The following VIT variants were observed in gnomAD, a reference collection of about 807,000 sequenced individuals.
VIT encodes vitrin.
VIT carries 99 observed loss-of-function variants against 78.0 expected under a neutral mutation model. The ratio of observed to expected loss-of-function variants is 1.27; its 90% CI spans 1.08 to 1.50. The LOEUF (loss-of-function observed/expected upper bound fraction) is 1.50, where lower values mean the gene tolerates loss of function less well. Ranked by LOEUF, VIT falls within the 40% of genes most tolerant of loss-of-function variation. VIT has a pLI of 0.00. For synonymous variants in VIT, 374 were observed against 334.3 expected (o/e 1.12, Z -1.29); for missense variants, 1,126 against 875.3 (o/e 1.29, Z -3.61).
chr2:36,813,365 C>G (rs551907570), intron 15 of VIT, among the ~76,000 whole-genome samples: 2 of 152,046 alleles, frequency 1.3e-5, no homozygotes, highest in Non-Finnish European at 2.9e-5. Flanking sequence ...ACAAAAATCT[C>G]TTGAACCTGG....
intron 2 of VIT, among the ~76,000 whole-genome samples, chr2:36,727,000 C>T (rs1405511207): frequency 6.6e-6 from 1 of 151,994 alleles, no homozygotes; most frequent in Non-Finnish European, 1.5e-5. Context: ...CAGAATTCTC[C>T]CTTCTTCACC....
intron 2 of VIT, among the ~76,000 whole-genome samples, chr2:36,718,106 A>C (rs372010838): frequency 1.3e-5 from 2 of 152,120 alleles, no homozygotes; most frequent in Admixed American, 6.5e-5. Context: ...GGTACACCCT[A>C]CTCCAGTATG....
intron 2 of VIT, among the ~76,000 whole-genome samples, chr2:36,716,869 C>CTTTTTTTTTTTTTTTTTTTTTTTTTT (rs557873230): frequency 1.3e-5 from 1 of 78,698 alleles, no homozygotes; most frequent in Non-Finnish European, 2.3e-5. Flanking sequence ...AGAGATGATT[C>CTTTTTTTTTTTTTTTTTTTTTTTTTT]TTTTTTTTTT....
chr2:36,793,048 A>C (rs1362500725), intron 12 of VIT, among the ~76,000 whole-genome samples: 3 of 152,128 alleles, frequency 2.0e-5, no homozygotes, highest in East Asian at 3.9e-4. Flanking sequence ...CTACATTTTA[A>C]CAAGATCCCC....
chr2:36,774,082 T>C (rs1163875006), intron 8 of VIT, among the ~76,000 whole-genome samples: 1 of 152,158 alleles, frequency 6.6e-6, no homozygotes, highest in Admixed American at 6.5e-5. Context: ...GTAGAGGTTG[T>C]GATAGGAATG....
chr2:36,731,485 G>T lies in VIT; in HGVS notation c.118+1994G>T, dbSNP rs1667206132. Reference sequence around the variant, plus strand: ...AAACGGGGTTTCACCATGTTGGCCAGGATGGTCTCGATCTCCTGACCTCAT... The same window carrying T: ...AAACGGGGTTTCACCATGTTGGCCATGATGGTCTCGATCTCCTGACCTCAT... On this transcript the variant is annotated intron_variant, in intron 3 of 15. Transcript: ENST00000379242. 2.0e-5 allele frequency among the ~76,000 whole-genome samples: 3 copies of T among 152,052 alleles called. No homozygotes were observed. The South Asian group carries it at 6.2e-4, about 32-fold the overall frequency.
intron 6 of VIT, among the ~76,000 whole-genome samples, chr2:36,763,263 A>T (rs2148574305): frequency 6.6e-6 from 1 of 152,274 alleles, no homozygotes; most frequent in East Asian, 1.9e-4. Context: ...ACGATGAGCC[A>T]GGTGTGGGGA....
chr2:36,782,928 A>G (rs1280594307), intron 10 of VIT, among the ~76,000 whole-genome samples: 1 of 152,230 alleles, frequency 6.6e-6, no homozygotes, highest in African/African-American at 2.4e-5. Flanking sequence ...GTCAATCACC[A>G]AATGTTGACT....
intron 5 of VIT, among the ~76,000 whole-genome samples, chr2:36,756,685 C>G (rs906252545): frequency 2.0e-5 from 3 of 152,150 alleles, no homozygotes; most frequent in Non-Finnish European, 4.4e-5. Flanking sequence ...GGGTATCAAC[C>G]GCAGTACTGT....
intron 5 of VIT, 75 bp downstream of exon 5, chr2:36,755,129 T>G (rs1668688123): frequency 6.9e-7 from 1 of 1,459,342 alleles, no homozygotes; most frequent in South Asian, 1.5e-5. Context: ...GTGCTGTTGG[T>G]TTTTGTTTAT....
In VIT at chr2:36,748,398, A is replaced by G. The variant is rs943594277; in HGVS notation, c.275+5142A>G. Among the ~76,000 whole-genome samples, 11 of 152,328 alleles carry G rather than the reference A, an allele frequency of 7.2e-5. No homozygotes were observed. In the South Asian group the frequency reaches 1.2e-3, roughly 17 times the overall value. Reference sequence around the variant, plus strand: ...AGCCTCCTTTGGTTGGTCACTTTACATAAGTCTGTATTTCTCAGAGGTTTT... The same window carrying G: ...AGCCTCCTTTGGTTGGTCACTTTACGTAAGTCTGTATTTCTCAGAGGTTTT... On this transcript the variant is annotated intron_variant, in intron 4 of 15. Coordinates refer to ENST00000379242, the MANE Select transcript of VIT (RefSeq NM_053276.4).
intron 14 of VIT, among the ~76,000 whole-genome samples, chr2:36,807,110 A>T (rs1287576166): frequency 6.6e-6 from 1 of 151,770 alleles, no homozygotes; most frequent in Non-Finnish European, 1.5e-5. Flanking sequence ...CCCTCGCCTG[A>T]CGCCCCCTCC....
At chr2:36,774,681 C>G (rs970824659) in intron 8 of VIT, 70 of 985,308 alleles carry the variant, frequency 7.1e-5, no homozygotes, top group Non-Finnish European at 8.0e-5. Context: ...TGCACCTTTG[C>G]CAATGCACAT....
At chr2:36,813,276 C>T (rs1022522134) in intron 15 of VIT, among the ~76,000 whole-genome samples, 1 of 151,818 alleles carries the variant, frequency 6.6e-6, no homozygotes, top group Non-Finnish European at 1.5e-5. Context: ...ATGGTGAAAC[C>T]CTGTCTCTAC....
intron 1 of VIT, among the ~76,000 whole-genome samples, chr2:36,710,375 C>T (rs114988026): frequency 3.2e-3 from 489 of 152,254 alleles, no homozygotes; most frequent in African/African-American, 0.011. Context: ...CTAGTGAAAA[C>T]GCCTCCTACT....
intron 4 of VIT, among the ~76,000 whole-genome samples, chr2:36,749,796 T>G (rs1036509919): frequency 1.3e-5 from 2 of 152,314 alleles, no homozygotes; most frequent in Admixed American, 6.5e-5. Context: ...ATCTTTTTCC[T>G]TTTCCTTTTT....
At chr2:36,813,552 C>T (rs1444008867) in intron 15 of VIT, among the ~76,000 whole-genome samples, 1 of 152,112 alleles carries the variant, frequency 6.6e-6, no homozygotes, top group Non-Finnish European at 1.5e-5. Flanking sequence ...ATCTTGGAAG[C>T]CTTTCTTCAT....
chr2:36,800,565 T>C (rs994220602), intron 12 of VIT, among the ~76,000 whole-genome samples: 1 of 151,998 alleles, frequency 6.6e-6, no homozygotes, highest in Non-Finnish European at 1.5e-5. Context: ...TGTGGCTGAG[T>C]GTCAGTGGTT....
chr2:36,732,205 A>G (rs1289094988), intron 3 of VIT, among the ~76,000 whole-genome samples: 1 of 152,216 alleles, frequency 6.6e-6, no homozygotes, highest in African/African-American at 2.4e-5. Flanking sequence ...AGGTTCCATG[A>G]TTACCATGAC....
Sources: allele counts gnomAD v4.1 joint callset (sites outside exome capture counted in the v4.1 genomes callset), GRCh38; gene constraint gnomAD v4.1.1; transcripts MANE v1.5; gene names NCBI Gene and HGNC (gene_info 2026-07-23, HGNC 2026-07-21).